Variants in MSL1 observed in about 807,000 individuals in gnomAD.
MSL1 encodes the protein male-specific lethal 1 homolog.
MSL1 carries 21 observed loss-of-function variants against 64.6 expected under a neutral mutation model. The ratio of observed to expected loss-of-function variants is 0.33; its 90% CI spans 0.23 to 0.47. MSL1 has a LOEUF of 0.47. Among genes scored for constraint, MSL1 ranks in the 20% least tolerant of loss-of-function variants. The pLI is 1.00. For synonymous variants in MSL1, 339 were observed against 329.6 expected, an observed-to-expected ratio of 1.03 and a Z score of -0.31; for missense variants, 664 against 793.2, an observed-to-expected ratio of 0.84 and a Z score of 1.96.
At chr17:40,127,137 A>G (rs1464793395) in intron 2 of MSL1, among the ~76,000 whole-genome samples, 3 of 152,008 alleles carry the variant, frequency 2.0e-5, no homozygotes, top group African/African-American at 7.3e-5. Flanking sequence ...AAAGTGGGGA[A>G]GGAGGGATCG....
In MSL1 at chr17:40,135,463, T is replaced by C. The variant is rs1238657423; in HGVS notation, c.*1094T>C. 2.0e-5 allele frequency: 3 copies of C among 152,306 alleles called. No individual in the cohort carries two copies. The highest frequency in any genetic ancestry group is 6.6e-5 in the Admixed American group (1 of 15,258). 9.4% of individuals were successfully genotyped at this position (152,306 alleles called of 1,614,324 possible). A position where few individuals can be genotyped will look rare whatever the true frequency, so the allele number is the denominator to read the frequency against. On this transcript the variant is annotated 3_prime_UTR_variant, in exon 9 of 9. Transcript: ENST00000398532. The stretch of plus-strand genomic sequence containing the variant: ...CCCTATTAACTATCTGAAAGGAAAA[T>C]AGAGCCAAGACCTCTGGTCTCAAAT...
intron 8 of MSL1, among the ~76,000 whole-genome samples, 179 bp from the exon 9 acceptor site, chr17:40,134,100 T>C (rs1331655147): frequency 2.0e-5 from 3 of 152,196 alleles, no homozygotes; most frequent in Non-Finnish European, 4.4e-5. Context: ...GAGTTAGAAA[T>C]AGATGATTCC....
rs142510458 is a variant in MSL1, at chr17:40,125,595, G to A, written c.769-588G>A. Among the ~76,000 whole-genome samples, 760 of 152,256 alleles carry A rather than the reference G, an allele frequency of 5.0e-3. 6 individuals carry two copies. Among genetic ancestry groups the A allele is most frequent in the African/African-American group, 0.018 (731 of 41,524 alleles). On this transcript the variant is annotated intron_variant, in intron 1 of 8. Coordinates refer to ENST00000398532, the MANE Select transcript of MSL1 (RefSeq NM_001365919.1). The stretch of plus-strand genomic sequence containing the variant: ...TGGGAGGCCTACGCAGGTGGACCAC[G>A]AGGTCAAGAGATAGAGACCATCCTG...
Position 40,122,932 on chromosome 17 carries a change from C to T in MSL1, c.320C>T (p.Pro107Leu). ...TCGGTGCCCTTGCCCTGTCCGCCCCCGGCCACCAAGCAAGCCGGCATTGGG... is the reference window on the plus strand; with the variant it reads ...TCGGTGCCCTTGCCCTGTCCGCCCCTGGCCACCAAGCAAGCCGGCATTGGG... ...GGSVPLPCPP[P>L]ATKQAGIGGE... Residue 107 changes from proline to leucine, a missense_variant, in exon 1 of 9, where the codon CCG becomes CTG. Transcript: ENST00000398532. The surrounding 1 kb of genome is among the most constrained non-coding windows in gnomAD (Gnocchi z 4.2). The T allele has an allele frequency of 1.3e-6, 2 of 1,519,612 alleles. No homozygotes were observed. The highest frequency in any genetic ancestry group is 1.8e-6 in the Non-Finnish European group (2 of 1,140,750). The allele number at this position is 1,519,612 out of a possible 1,614,324, so 94.1% of individuals were successfully genotyped here.
chr17:40,127,411 G>T (rs969925235), intron 2 of MSL1, among the ~76,000 whole-genome samples: 1 of 151,282 alleles, frequency 6.6e-6, no homozygotes, highest in Admixed American at 6.6e-5. Flanking sequence ...TGTAAGGATA[G>T]GCATACATTT....
chr17:40,129,473 C>G lies in MSL1; in HGVS notation c.1221C>G (p.Pro407=). 6.2e-7 allele frequency: 1 copy of G among 1,613,880 alleles called. No homozygotes were observed. The highest frequency in any genetic ancestry group is 8.5e-7 in the Non-Finnish European group (1 of 1,179,870). The change falls in exon 3 of 9, where the codon CCC becomes CCG. Residue 407 remains proline (P), a synonymous_variant. Transcript: ENST00000398532. The part of the protein sequence containing the change: ...PPRLSTPQKG[P]STHPKEKAFS... The stretch of plus-strand genomic sequence containing the variant: ...GACTCTCCACTCCCCAAAAGGGACC[C>G]AGCACCCATCCCAAGGAGAAAGCCT...
intron 3 of MSL1, 81 bp downstream of exon 3, chr17:40,129,708 T>C: frequency 2.1e-6 from 3 of 1,396,222 alleles, no homozygotes; most frequent in Non-Finnish European, 1.9e-6. Flanking sequence ...TTGGCATTTT[T>C]AAAAAAGTGC....
rs1303332033 is a variant in MSL1 at position 40,135,798 on chromosome 17, TGTA to T, written c.*1433_*1435del. Reference sequence around the variant, plus strand: ...TTAAAGGAATTATTCTGGCAGCACATGTAGTATTCTTGGATGATCTTGCTGCTC... The same window carrying T: ...TTAAAGGAATTATTCTGGCAGCACATGTATTCTTGGATGATCTTGCTGCTC... On this transcript the variant is annotated 3_prime_UTR_variant, in exon 9 of 9. Coordinates refer to ENST00000398532, the MANE Select transcript of MSL1 (RefSeq NM_001365919.1). 6.6e-6 allele frequency: 1 copy of T among 152,282 alleles called. No individual in the cohort carries two copies. Among genetic ancestry groups the T allele is most frequent in the Admixed American group, 6.5e-5 (1 of 15,268 alleles). The allele number at this position is 152,282 out of a possible 1,614,324, so 9.4% of individuals were successfully genotyped here. A position where few individuals can be genotyped will look rare whatever the true frequency, so the allele number is the denominator to read the frequency against.
chr17:40,131,504 A>G lies in MSL1; in HGVS notation c.1376-33A>G, dbSNP rs756581557. ...GGGTATGGGCTTTTTTTCTTTTTAC[A>G]CTGAGATTATTCTTCTTTCCTGCAT... On this transcript the variant is annotated intron_variant, in intron 3 of 8. Coordinates refer to ENST00000398532, the MANE Select transcript of MSL1 (RefSeq NM_001365919.1). The surrounding 1 kb of genome is among the most constrained non-coding windows in gnomAD (Gnocchi z 4.5). 6.2e-7 allele frequency: 1 copy of G among 1,607,018 alleles called. No homozygotes were observed. The highest frequency in any genetic ancestry group is 1.1e-5 in the South Asian group (1 of 90,856).
Position 40,123,278 on chromosome 17 carries a change from C to CA in MSL1, c.669dup (p.Gln224ThrfsTer39). Reference sequence around the variant, plus strand: ...GAGCCTCCAGTCAGGCCGCCTGCCTCAAACAGATCCTTCTGCTGCAATTGG... The same window carrying CA: ...GAGCCTCCAGTCAGGCCGCCTGCCTCAAAACAGATCCTTCTGCTGCAATTGG... On this transcript the variant is annotated frameshift_variant, in exon 1 of 9. Coordinates refer to ENST00000398532, the MANE Select transcript of MSL1 (RefSeq NM_001365919.1). LOFTEE classifies it high-confidence loss of function. The CA allele has an allele frequency of 6.5e-7, 1 of 1,535,954 alleles. No homozygotes were observed. The highest frequency in any genetic ancestry group is 8.7e-7 in the Non-Finnish European group (1 of 1,146,890).
At position 40,131,024 on chromosome 17, in the gene MSL1, T is replaced by TA. The variant is rs1988429156; in HGVS notation, c.1376-510dup. The TA allele has an allele frequency of 6.5e-6, 1 of 153,646 alleles. No homozygotes were observed. Among genetic ancestry groups the TA allele is most frequent in the Non-Finnish European group, 1.5e-5 (1 of 68,792 alleles). 9.5% of individuals were successfully genotyped at this position (153,646 alleles called of 1,614,324 possible). A position where few individuals can be genotyped will look rare whatever the true frequency, so the allele number is the denominator to read the frequency against. ...CCCCTTGAGGAGCCTGAGTTGTGAA[T>TA]AAACATGTGAATCCTTATTCTTGAT... On this transcript the variant is annotated intron_variant, in intron 3 of 8. Coordinates refer to ENST00000398532, the MANE Select transcript of MSL1 (RefSeq NM_001365919.1). The surrounding 1 kb of genome is among the most constrained non-coding windows in gnomAD (Gnocchi z 4.5).
At position 40,132,028 on chromosome 17, in the gene MSL1, T is replaced by C. The variant is rs1464485458; in HGVS notation, c.1424-6T>C. 14 of 1,583,024 alleles carry C rather than the reference T, an allele frequency of 8.8e-6. No individual in the cohort carries two copies. Among genetic ancestry groups the C allele is most frequent in the Non-Finnish European group, 1.2e-5 (14 of 1,162,896 alleles). On this transcript the variant is annotated splice_region_variant and splice_polypyrimidine_tract_variant and intron_variant, in intron 4 of 8. Coordinates refer to ENST00000398532, the MANE Select transcript of MSL1 (RefSeq NM_001365919.1). ...TCCCTTTCTTTTTCTCTCTCTTTTT[T>C]TTCAGTTCCTTCTTGGAGGGACCAC...
rs1261778403 is a variant in MSL1, at chr17:40,129,472, C to T, written c.1220C>T (p.Pro407Leu). Residue 407 changes from proline to leucine, a missense_variant, in exon 3 of 9, where the codon CCC becomes CTC. By Grantham distance (98) the Pro-to-Leu change is moderately conservative. Transcript: ENST00000398532. ...PPRLSTPQKG[P>L]STHPKEKAFS... is the part of the protein sequence containing the mutation. ...AGACTCTCCACTCCCCAAAAGGGAC[C>T]CAGCACCCATCCCAAGGAGAAAGCC... 1 of 1,613,792 alleles carries T rather than the reference C, an allele frequency of 6.2e-7. No individual in the cohort carries two copies. Among genetic ancestry groups the T allele is most frequent in the Admixed American group, 1.7e-5 (1 of 60,002 alleles).
chr17:40,134,025 G>C, intron 8 of MSL1, 126 bp downstream of exon 8: 1 of 824,158 alleles, frequency 1.2e-6, no homozygotes, highest in Non-Finnish European at 2.0e-6. Context: ...ACAGAAATGA[G>C]GCTACCTGGG....
In MSL1 at chr17:40,124,612, A is replaced by T. The variant is rs1988272832; in HGVS notation, c.768+1232A>T. 2.0e-5 allele frequency: 3 copies of T among 152,348 alleles called. No homozygotes were observed. The South Asian group carries it at 6.2e-4, about 32-fold the overall frequency. 9.4% of individuals were successfully genotyped at this position (152,348 alleles called of 1,614,324 possible). A position where few individuals can be genotyped will look rare whatever the true frequency, so the allele number is the denominator to read the frequency against. ...TGTTGATTTGTGGAAGTTACTCAAC[A>T]TGGAGGTGGCACTGCTCAGACTGTA... On this transcript the variant is annotated intron_variant, in intron 1 of 8. Transcript: ENST00000398532.
rs1988521607 is a variant in MSL1 at position 40,135,431 on chromosome 17, G to GTAC, written c.*1064_*1065insCTA. On this transcript the variant is annotated 3_prime_UTR_variant, in exon 9 of 9. Coordinates refer to ENST00000398532, the MANE Select transcript of MSL1 (RefSeq NM_001365919.1). Reference sequence around the variant, plus strand: ...ACTCCCAGGCCACTTTGGTCTCAGTGTAAGATCCCTATTAACTATCTGAAA... The same window carrying GTAC: ...ACTCCCAGGCCACTTTGGTCTCAGTGTACTAAGATCCCTATTAACTATCTGAAA... 1 of 152,324 alleles carries GTAC rather than the reference G, an allele frequency of 6.6e-6. No homozygotes were observed. The highest frequency in any genetic ancestry group is 1.5e-5 in the Non-Finnish European group (1 of 68,046). 9.4% of individuals were successfully genotyped at this position (152,324 alleles called of 1,614,324 possible). A position where few individuals can be genotyped will look rare whatever the true frequency, so the allele number is the denominator to read the frequency against.
At chr17:40,128,722 A>G (rs1399420078) in intron 2 of MSL1, among the ~76,000 whole-genome samples, 3 of 151,016 alleles carry the variant, frequency 2.0e-5, no homozygotes, top group African/African-American at 7.3e-5. Context: ...CTTGTTCAAC[A>G]TTTACTGGCC....
intron 1 of MSL1, among the ~76,000 whole-genome samples, 171 bp from the exon 2 acceptor site, chr17:40,126,008 TTCTC>T: frequency 1.3e-5 from 2 of 152,350 alleles, no homozygotes; most frequent in Admixed American, 1.3e-4. Context: ...ATACCTTCTC[TTCTC>T]TATTTTGTTT....
At position 40,122,495 on chromosome 17, in the gene MSL1, G is replaced by A. The variant is rs1988200013; in HGVS notation, c.-118G>A. The A allele has an allele frequency of 2.9e-6, 2 of 698,518 alleles. No homozygotes were observed. 43.3% of individuals were successfully genotyped at this position (698,518 alleles called of 1,614,324 possible). A position where few individuals can be genotyped will look rare whatever the true frequency, so the allele number is the denominator to read the frequency against. ...GCCGCGCTAGCGGAGGCCTGCTGCC[G>A]CGCTGCTGAGGCGAGCCCGCCAAAC... On this transcript the variant is annotated 5_prime_UTR_variant, in exon 1 of 9. Transcript: ENST00000398532. The surrounding 1 kb of genome is among the most constrained non-coding windows in gnomAD (Gnocchi z 4.2).
Sources: gnomAD v4.1 joint callset for allele counts (sites outside exome capture counted in the v4.1 genomes callset) on GRCh38, gnomAD v4.1.1 for gene constraint, Gnocchi (gnomAD v3.1) non-coding constraint, MANE v1.5 for transcripts, NCBI Gene and HGNC (gene_info 2026-07-23, HGNC 2026-07-21) for gene names.